The following CASQ2 variants were observed in gnomAD, a reference collection of about 807,000 sequenced individuals.
CASQ2 encodes the protein calsequestrin 2.
CASQ2 carries 49 observed loss-of-function variants against 46.5 expected under a neutral mutation model. The observed-to-expected ratio is 1.05, with a 90% CI of 0.84 to 1.34. The LOEUF (loss-of-function observed/expected upper bound fraction) is 1.34. CASQ2 is among the 40% of genes most tolerant of loss of function. CASQ2 has a pLI of 0.00. For missense variants in CASQ2, 486 were observed against 481.3 expected (o/e 1.01, Z -0.09); for synonymous variants, 174 against 168.5 (o/e 1.03, Z -0.25).
rs774546117 is a variant in CASQ2 at position 115,727,056 on chromosome 1, T to C, written c.673A>G (p.Ile225Val). ...GTGTAAGGTTTGTTGGGGATGGCAA[T>C]GGGCTCATCCATAAATGGCTCATAG... ...DFYEPFMDEP[I>V]AIPNKPYTEE... The change falls in exon 6 of 11, where the codon ATT becomes GTT. Residue 225 changes from isoleucine (I) to valine (V), a missense_variant. By Grantham distance (29) the Ile-to-Val change is conservative. Transcript: ENST00000261448. 4.7e-5 allele frequency: 74 copies of C among 1,580,202 alleles called. No homozygotes were observed. The highest frequency in any genetic ancestry group is 6.3e-5 in the Non-Finnish European group (73 of 1,158,002).
At chr1:115,765,228 T>A (rs1278048383) in intron 1 of CASQ2, among the ~76,000 whole-genome samples, 1 of 152,174 alleles carries the variant, frequency 6.6e-6, no homozygotes, top group African/African-American at 2.4e-5. Context: ...TTTCCCCGTA[T>A]CCACAGCATC....
chr1:115,710,337 G>T (rs1389980379), intron 8 of CASQ2, among the ~76,000 whole-genome samples: 1 of 152,188 alleles, frequency 6.6e-6, no homozygotes, highest in East Asian at 1.9e-4. Flanking sequence ...GACCCAAGGA[G>T]AGCAAATGAC....
At chr1:115,724,883 T>C (rs1247322640) in intron 7 of CASQ2, among the ~76,000 whole-genome samples, 1 of 152,182 alleles carries the variant, frequency 6.6e-6, no homozygotes, top group African/African-American at 2.4e-5. Context: ...CTCTATTACT[T>C]TATAGCCTGA....
chr1:115,745,887 T>C lies in CASQ2; in HGVS notation c.235-975A>G, dbSNP rs1648369855. On this transcript the variant is annotated intron_variant, in intron 1 of 10. Coordinates refer to ENST00000261448, the MANE Select transcript of CASQ2 (RefSeq NM_001232.4). ...CAAAACGGAGGTACAATGTTACAAA[T>C]TGGATATTAACATTGATACAGTTAA... Among the ~76,000 whole-genome samples the C allele has an allele frequency of 3.9e-5, 6 of 152,202 alleles. No individual in the cohort carries two copies. In the South Asian group the frequency reaches 1.2e-3, roughly 32 times the overall value.
In CASQ2 at chr1:115,707,036, CT is replaced by C. The variant is rs11407551; in HGVS notation, c.839-1745del. Among the ~76,000 whole-genome samples, 317 of 143,440 alleles carry C rather than the reference CT, an allele frequency of 2.2e-3. 1 individual carries two copies. The highest frequency in any genetic ancestry group is 0.015 in the South Asian group (66 of 4,464). 94.1% of individuals were successfully genotyped at this position (143,440 alleles called of 152,430 possible). On this transcript the variant is annotated intron_variant, in intron 8 of 10. Coordinates refer to ENST00000261448, the MANE Select transcript of CASQ2 (RefSeq NM_001232.4). ...GCGACCTCTAGTGGAGAAATAGTTC[CT>C]TTTTTTTTTTTTGTCTGTTGCCCAG...
In CASQ2 at chr1:115,701,234, A is replaced by G; in HGVS notation, c.*7T>C. 1 of 1,613,722 alleles carries G rather than the reference A, an allele frequency of 6.2e-7. No homozygotes were observed. The highest frequency in any genetic ancestry group is 8.5e-7 in the Non-Finnish European group (1 of 1,179,880). On this transcript the variant is annotated 3_prime_UTR_variant, in exon 11 of 11. Transcript: ENST00000261448. ...TTTTGTTTTCATCAGAATTGTTTGGAGTTGGGCTATTCATCATCATCGTCA... is the reference window on the plus strand; with the variant it reads ...TTTTGTTTTCATCAGAATTGTTTGGGGTTGGGCTATTCATCATCATCGTCA...
intron 8 of CASQ2, among the ~76,000 whole-genome samples, chr1:115,717,019 C>A (rs186475522): frequency 1.1e-3 from 165 of 152,230 alleles, no homozygotes; most frequent in African/African-American, 3.8e-3. Flanking sequence ...GGTATGAGTT[C>A]TCACAAGATC....
intron 1 of CASQ2, among the ~76,000 whole-genome samples, chr1:115,746,259 T>C (rs1322936368): frequency 1.3e-5 from 2 of 152,214 alleles, no homozygotes; most frequent in Admixed American, 1.3e-4. Context: ...TTCCCAGTGA[T>C]TGGCTAGTAT....
chr1:115,718,648 T>TA (rs1647258222), intron 7 of CASQ2, among the ~76,000 whole-genome samples: 1 of 152,044 alleles, frequency 6.6e-6, no homozygotes, highest in Admixed American at 6.5e-5. Context: ...AATTTGAGCG[T>TA]AAGGAAGGTT....
At chr1:115,749,434 A>C (rs1199769905) in intron 1 of CASQ2, among the ~76,000 whole-genome samples, 1 of 152,214 alleles carries the variant, frequency 6.6e-6, no homozygotes, top group Non-Finnish European at 1.5e-5. Flanking sequence ...GGTTAACTAA[A>C]TACAGCCAAT....
chr1:115,762,196 C>T (rs537563748), intron 1 of CASQ2, among the ~76,000 whole-genome samples: 1 of 152,292 alleles, frequency 6.6e-6, no homozygotes, highest in Non-Finnish European at 1.5e-5. Context: ...TCCAGATACC[C>T]TGACTGAGCA....
chr1:115,729,109 G>A (rs1408841658), intron 5 of CASQ2, among the ~76,000 whole-genome samples: 2 of 141,958 alleles, frequency 1.4e-5, no homozygotes, highest in Non-Finnish European at 3.0e-5. Context: ...GGGTTCAATG[G>A]CACAGTCTCG....
At chr1:115,762,059 C>T (rs1191403463) in intron 1 of CASQ2, among the ~76,000 whole-genome samples, 1 of 152,214 alleles carries the variant, frequency 6.6e-6, no homozygotes, top group Non-Finnish European at 1.5e-5. Flanking sequence ...AGAAGAACTA[C>T]ACCAAGTGTA....
rs780771730 is a variant in CASQ2, at chr1:115,768,534, C to A, written c.8G>T (p.Arg3Ile). The A allele has an allele frequency of 1.2e-6, 2 of 1,608,342 alleles. No individual in the cohort carries two copies. The highest frequency in any genetic ancestry group is 2.7e-5 in the African/African-American group (2 of 74,788). Residue 3 changes from arginine (R) to isoleucine (I), a missense_variant, in exon 1 of 11, where the codon AGA becomes ATA. Transcript: ENST00000261448. MK[R>I]THLFIVGIYF... ...AATCCCCACAATAAACAAGTGAGTTCTCTTCATTTGGGAAAACTTTTGTTT... is the reference window on the plus strand; with the variant it reads ...AATCCCCACAATAAACAAGTGAGTTATCTTCATTTGGGAAAACTTTTGTTT...
intron 1 of CASQ2, among the ~76,000 whole-genome samples, chr1:115,761,555 G>T (rs1451314531): frequency 2.0e-5 from 3 of 149,164 alleles, no homozygotes; most frequent in Admixed American, 6.7e-5. Context: ...CATGAGTCTT[G>T]TCAATGATGA....
intron 8 of CASQ2, among the ~76,000 whole-genome samples, chr1:115,711,657 C>CTCTGTT (rs1296423355): frequency 1.4e-5 from 2 of 139,672 alleles, no homozygotes; most frequent in African/African-American, 5.4e-5. Flanking sequence ...GTTTGTTTTG[C>CTCTGTT]TTTGTTTTTG....
chr1:115,764,331 G>GA (rs1208132717), intron 1 of CASQ2, among the ~76,000 whole-genome samples: 5 of 151,874 alleles, frequency 3.3e-5, no homozygotes, highest in African/African-American at 1.2e-4. Flanking sequence ...ATATGGATGT[G>GA]AAAAAAAGCT....
At chr1:115,748,322 A>G (rs1349385499) in intron 1 of CASQ2, among the ~76,000 whole-genome samples, 3 of 151,994 alleles carry the variant, frequency 2.0e-5, no homozygotes, top group East Asian at 3.9e-4. Context: ...TTTTCTTTGC[A>G]TATTTATTCT....
intron 5 of CASQ2, 47 bp from the exon 6 acceptor site, chr1:115,727,169 G>C (rs200778746): frequency 1.5e-6 from 2 of 1,374,596 alleles, no homozygotes; most frequent in Admixed American, 1.7e-5. Flanking sequence ...TACTAGTCTA[G>C]AATAGCAGTG....
Sources: gnomAD v4.1 joint callset for allele counts (sites outside exome capture counted in the v4.1 genomes callset) on GRCh38, gnomAD v4.1.1 for gene constraint, MANE v1.5 for transcripts, NCBI Gene and HGNC (gene_info 2026-07-23, HGNC 2026-07-21) for gene names.